Variants in CSMD3 observed in about 807,000 individuals in gnomAD.
CSMD3 encodes the protein CUB and sushi domain-containing protein 3.
Under a neutral mutation model 435.2 loss-of-function variants are expected in CSMD3, and 177 were observed. The observed-to-expected ratio is 0.41, with a 90% CI of 0.36 to 0.46. The LOEUF (loss-of-function observed/expected upper bound fraction) is 0.46. Ranked by LOEUF, CSMD3 falls within the 20% of genes least tolerant of loss-of-function variation. CSMD3 has a pLI of 0.34. For synonymous variants in CSMD3, 1,656 were observed against 1,520.5 expected (o/e 1.09, Z -2.07); for missense variants, 4,265 against 4,504.6 (o/e 0.95, Z 1.52).
In CSMD3 at chr8:112,895,453, A is replaced by C. The variant is rs2081923638; in HGVS notation, c.1633+26174T>G. 2.6e-5 allele frequency among the ~76,000 whole-genome samples: 4 copies of C among 151,420 alleles called. No homozygotes were observed. The South Asian group carries it at 8.3e-4, about 31-fold the overall frequency. On this transcript the variant is annotated intron_variant, in intron 10 of 70. Transcript: ENST00000297405. ...TCTGAGAAAAAATATAAGCTGATTT[A>C]TTCTAGGAAAAACAAGAAAAATGAT...
At chr8:112,876,108 C>A (rs989353913) in intron 10 of CSMD3, among the ~76,000 whole-genome samples, 1 of 151,928 alleles carries the variant, frequency 6.6e-6, no homozygotes, top group African/African-American at 2.4e-5. Context: ...TGGGCACATA[C>A]ACCCTCTTAA....
At chr8:113,179,124 T>TA (rs2092387729) in intron 3 of CSMD3, among the ~76,000 whole-genome samples, 1 of 151,730 alleles carries the variant, frequency 6.6e-6, no homozygotes, top group African/African-American at 2.4e-5. Flanking sequence ...AAAATTAATT[T>TA]TAAAAAAATT....
intron 13 of CSMD3, among the ~76,000 whole-genome samples, chr8:112,798,961 A>T (rs1408099785): frequency 6.6e-6 from 1 of 151,832 alleles, no homozygotes; most frequent in Non-Finnish European, 1.5e-5. Context: ...TTTCCAAGTA[A>T]CAAATGTGCA....
intron 24 of CSMD3, among the ~76,000 whole-genome samples, chr8:112,572,195 G>A (rs1829586211): frequency 6.6e-6 from 1 of 151,882 alleles, no homozygotes; most frequent in African/African-American, 2.4e-5. Context: ...AACAATACTT[G>A]TAAACACAAT....
chr8:112,477,711 G>T (rs767758397), intron 31 of CSMD3, among the ~76,000 whole-genome samples: 2 of 152,118 alleles, frequency 1.3e-5, no homozygotes, highest in South Asian at 4.2e-4. Flanking sequence ...AGAAGCAGAT[G>T]GTGAAGCCAT....
intron 1 of CSMD3, among the ~76,000 whole-genome samples, chr8:113,352,483 C>T (rs958458548): frequency 6.6e-6 from 1 of 152,026 alleles, no homozygotes; most frequent in African/African-American, 2.4e-5. Flanking sequence ...GAATAAACTT[C>T]CAAAATTTTA....
intron 41 of CSMD3, among the ~76,000 whole-genome samples, chr8:112,342,377 G>T (rs1825207287): frequency 6.6e-6 from 1 of 151,868 alleles, no homozygotes; most frequent in African/African-American, 2.4e-5. Context: ...AAGTATATTT[G>T]CTTAATTAAT....
chr8:112,975,662 G>C (rs1285293932), intron 7 of CSMD3, among the ~76,000 whole-genome samples, 175 bp downstream of exon 7: 1 of 151,696 alleles, frequency 6.6e-6, no homozygotes, highest in Non-Finnish European at 1.5e-5. Flanking sequence ...CAATTTCTAT[G>C]CTTTCAAATT....
intron 6 of CSMD3, among the ~76,000 whole-genome samples, chr8:113,011,515 G>T (rs567701116): frequency 1.3e-5 from 2 of 151,730 alleles, no homozygotes; most frequent in Non-Finnish European, 3.0e-5. Context: ...GAGACAGGAG[G>T]TATATAAAAA....
chr8:112,242,466 G>A (rs538992415), intron 65 of CSMD3, among the ~76,000 whole-genome samples: 25 of 152,170 alleles, frequency 1.6e-4, no homozygotes, highest in African/African-American at 3.9e-4. Context: ...CAGCAAGTAC[G>A]GATATGGCTA....
At chr8:112,529,498 G>A (rs915317160) in intron 27 of CSMD3, among the ~76,000 whole-genome samples, 1 of 152,110 alleles carries the variant, frequency 6.6e-6, no homozygotes, top group African/African-American at 2.4e-5. Context: ...GAGGCAGAAG[G>A]ATCAGTTTGA....
intron 35 of CSMD3, among the ~76,000 whole-genome samples, chr8:112,404,231 T>A (rs969794879): frequency 1.6e-4 from 25 of 152,234 alleles, no homozygotes; most frequent in African/African-American, 6.0e-4. Context: ...ATATATTCTA[T>A]AAAAATTACA....
chr8:112,313,817 T>C (rs1822212104), intron 49 of CSMD3, 89 bp downstream of exon 49: 2 of 1,034,570 alleles, frequency 1.9e-6, no homozygotes, highest in Non-Finnish European at 3.0e-6. Flanking sequence ...TTTGAATTCA[T>C]GTCTAACTGA....
chr8:112,921,168 G>A (rs945697413), intron 10 of CSMD3, among the ~76,000 whole-genome samples: 1 of 151,548 alleles, frequency 6.6e-6, no homozygotes, highest in African/African-American at 2.4e-5. Flanking sequence ...GACATATAAA[G>A]CCAGAGAACT....
Position 112,645,154 on chromosome 8 carries a change from T to G in CSMD3, c.3265A>C (p.Asn1089His), listed in dbSNP as rs753334319. Residue 1089 changes from asparagine to histidine, a missense_variant, in exon 20 of 71, where the codon AAT (asparagine) becomes CAT (histidine). Transcript: ENST00000297405. ...LSPGYPEFYP[N>H]SLNCTWTVDV... ...ACAGTCCATGTACAATTCAGAGAAT[T>G]TGGATAAAATTCCGGGTAACCAGGT... The G allele has an allele frequency of 6.2e-7, 1 of 1,608,236 alleles. No homozygotes were observed. The highest frequency in any genetic ancestry group is 8.5e-7 in the Non-Finnish European group (1 of 1,174,732).
At chr8:112,601,883 C>T (rs950103139) in intron 22 of CSMD3, among the ~76,000 whole-genome samples, 4 of 152,282 alleles carry the variant, frequency 2.6e-5, no homozygotes, top group Middle Eastern at 3.4e-3. Context: ...TAAAATTATA[C>T]TTAATCCTAA....
intron 3 of CSMD3, among the ~76,000 whole-genome samples, chr8:113,218,793 CT>C (rs1257726403): frequency 6.6e-6 from 1 of 151,006 alleles, no homozygotes; most frequent in African/African-American, 2.4e-5. Context: ...GCCAGAAATG[CT>C]TCATATTTCA....
chr8:113,187,150 TC>T (rs2092517051), intron 3 of CSMD3, among the ~76,000 whole-genome samples: 3 of 150,092 alleles, frequency 2.0e-5, no homozygotes, highest in African/African-American at 4.9e-5. Context: ...TTTTTTTTTT[TC>T]TTCTTCTTCT....
intron 62 of CSMD3, among the ~76,000 whole-genome samples, chr8:112,254,570 G>A (rs1815609075): frequency 6.6e-6 from 1 of 152,020 alleles, no homozygotes; most frequent in Non-Finnish European, 1.5e-5. Context: ...CGATATAAAA[G>A]CACTTGACAT....
Sources: gnomAD v4.1 joint callset for allele counts (sites outside exome capture counted in the v4.1 genomes callset) on GRCh38, gnomAD v4.1.1 for gene constraint, MANE v1.5 for transcripts, NCBI Gene and HGNC (gene_info 2026-07-23, HGNC 2026-07-21) for gene names.